The following RBAK variants were observed in gnomAD, a reference collection of about 807,000 sequenced individuals.
RBAK encodes the protein RB-associated KRAB zinc finger protein.
RBAK carries 39 observed loss-of-function variants against 65.8 expected under a neutral mutation model. That is an observed-to-expected ratio of 0.59 (90% CI 0.46 to 0.77). RBAK has a LOEUF of 0.77. Ranked by LOEUF, RBAK falls within the 30% of genes least tolerant of loss-of-function variation. The pLI is 0.00. For missense variants in RBAK, 884 were observed against 855.1 expected, an observed-to-expected ratio of 1.03 and a Z score of -0.42; for synonymous variants, 343 against 289.7, an observed-to-expected ratio of 1.18 and a Z score of -1.87.
Position 5,057,751 on chromosome 7 carries a change from A to C in RBAK, c.210A>C (p.Gly70=). 6.2e-7 allele frequency: 1 copy of C among 1,613,872 alleles called. No homozygotes were observed. The highest frequency in any genetic ancestry group is 8.5e-7 in the Non-Finnish European group (1 of 1,179,816). Residue 70 remains glycine, a synonymous_variant, in exon 4 of 5, where the codon GGA becomes GGC. Transcript: ENST00000396912. ...LEQGEEPWIM[G]GEFPCQHSPE... Reference sequence around the variant, plus strand: ...AGGGAGAGGAGCCGTGGATAATGGGAGGTGAATTTCCATGTCAACATAGTC... The same window carrying C: ...AGGGAGAGGAGCCGTGGATAATGGGCGGTGAATTTCCATGTCAACATAGTC...
At chr7:5,060,282 A>C (rs1309723029) in intron 4 of RBAK, among the ~76,000 whole-genome samples, 2 of 152,204 alleles carry the variant, frequency 1.3e-5, no homozygotes, top group Non-Finnish European at 2.9e-5. Context: ...TCAAGAGATC[A>C]TTTATTCTGA....
intron 2 of RBAK, among the ~76,000 whole-genome samples, chr7:5,049,783 A>G (rs1391986705): frequency 6.6e-6 from 1 of 151,458 alleles, no homozygotes; most frequent in Non-Finnish European, 1.5e-5. Context: ...GAGTGTAGAG[A>G]CGTGATCACA....
intron 2 of RBAK, among the ~76,000 whole-genome samples, chr7:5,050,985 TG>T (rs1788103375): frequency 6.6e-6 from 1 of 152,228 alleles, no homozygotes; most frequent in Non-Finnish European, 1.5e-5. Flanking sequence ...TTTTTTGTTT[TG>T]TTACCATTAT....
In RBAK at chr7:5,068,450, C is replaced by T. The variant is rs568784775; in HGVS notation, c.*2849C>T. On this transcript the variant is annotated 3_prime_UTR_variant, in exon 5 of 5. Transcript: ENST00000396912. Reference sequence around the variant, plus strand: ...CCACTCACTTTAGAGGATATCCAGACGGCCAATAAGCATGAAAAGATGTGT... The same window carrying T: ...CCACTCACTTTAGAGGATATCCAGATGGCCAATAAGCATGAAAAGATGTGT... 1.2e-4 allele frequency: 18 copies of T among 152,240 alleles called. No individual in the cohort carries two copies. Among genetic ancestry groups the T allele is most frequent in the South Asian group, 4.1e-4 (2 of 4,824 alleles). 9.4% of individuals were successfully genotyped at this position (152,240 alleles called of 1,614,324 possible). A position where few individuals can be genotyped will look rare whatever the true frequency, so the allele number is the denominator to read the frequency against.
chr7:5,058,803 A>G (rs957503340), intron 4 of RBAK, among the ~76,000 whole-genome samples: 16 of 152,194 alleles, frequency 1.1e-4, no homozygotes, highest in Non-Finnish European at 2.4e-4. Flanking sequence ...CTGTCCCCCT[A>G]GGACCTGTTT....
rs980528728 is a variant in RBAK, at chr7:5,063,687, C to A, written c.239-8C>A. ...TTACAAAGTTTGTTTACTATTTTTC[C>A]TTTTTAGAAGCCTGGAGAGTTGATG... On this transcript the variant is annotated splice_polypyrimidine_tract_variant and splice_region_variant and intron_variant, in intron 4 of 4. Transcript: ENST00000396912. 6.4e-7 allele frequency: 1 copy of A among 1,567,536 alleles called. No homozygotes were observed. Among genetic ancestry groups the A allele is most frequent in the African/African-American group, 1.4e-5 (1 of 72,498 alleles).
At chr7:5,051,625 A>G (rs986656821) in intron 2 of RBAK, among the ~76,000 whole-genome samples, 1 of 152,134 alleles carries the variant, frequency 6.6e-6, no homozygotes, top group Non-Finnish European at 1.5e-5. Context: ...TTTAGTTTTC[A>G]TGCTTTTTAA....
At chr7:5,049,127 G>A (rs1233183962) in intron 2 of RBAK, among the ~76,000 whole-genome samples, 1 of 152,136 alleles carries the variant, frequency 6.6e-6, no homozygotes, top group Non-Finnish European at 1.5e-5. Context: ...TCTAGGACTT[G>A]GAAAAATTTC....
Position 5,046,231 on chromosome 7 carries a change from C to T in RBAK, c.-210C>T, listed in dbSNP as rs1314196291. On this transcript the variant is annotated 5_prime_UTR_variant, in exon 1 of 5. Coordinates refer to ENST00000396912, the MANE Select transcript of RBAK (RefSeq NM_021163.4). ...AGGCGGATCTGGGTCCCGGGAAGGA[C>T]ACCCGCCTGGATTTGCCCCTTAGGC... 1 of 508,330 alleles carries T rather than the reference C, an allele frequency of 2.0e-6. No homozygotes were observed. Among genetic ancestry groups the T allele is most frequent in the African/African-American group, 1.9e-5 (1 of 51,764 alleles). 31.5% of individuals were successfully genotyped at this position (508,330 alleles called of 1,614,324 possible). A position where few individuals can be genotyped will look rare whatever the true frequency, so the allele number is the denominator to read the frequency against.
In RBAK at chr7:5,068,630, G is replaced by A. The variant is rs574273601; in HGVS notation, c.*3029G>A. 5.3e-5 allele frequency: 8 copies of A among 152,298 alleles called. No homozygotes were observed. The highest frequency in any genetic ancestry group is 1.7e-4 in the African/African-American group (7 of 41,568). 9.4% of individuals were successfully genotyped at this position (152,298 alleles called of 1,614,324 possible). A position where few individuals can be genotyped will look rare whatever the true frequency, so the allele number is the denominator to read the frequency against. ...TACACTACTGGTGGAATTGCTCATC[G>A]ATAAAACCATTTTGAAAGCTGGCAC... On this transcript the variant is annotated 3_prime_UTR_variant, in exon 5 of 5. Coordinates refer to ENST00000396912, the MANE Select transcript of RBAK (RefSeq NM_021163.4).
Position 5,064,514 on chromosome 7 carries a change from CCTT to C in RBAK, c.1061_1063del (p.Phe354del), listed in dbSNP as rs1336994997. ...TACGAATGTAGCGAATGTGGGAAAA[CCTT>C]CTGCCAAAAGACACATCTCACCCTG... is the stretch of plus-strand genomic sequence containing the variant. On this transcript the variant is annotated inframe_deletion, in exon 5 of 5. Coordinates refer to ENST00000396912, the MANE Select transcript of RBAK (RefSeq NM_021163.4). This position sits in a 1 kb window ranked among gnomAD's most constrained non-coding sequence, Gnocchi z 6.3. 3 of 1,613,744 alleles carry C rather than the reference CCTT, an allele frequency of 1.9e-6. No homozygotes were observed. Among genetic ancestry groups the C allele is most frequent in the Non-Finnish European group, 2.5e-6 (3 of 1,179,902 alleles).
rs1186023696 is a variant in RBAK at position 5,063,864 on chromosome 7, T to G, written c.408T>G (p.Asn136Lys). 1 of 1,613,966 alleles carries G rather than the reference T, an allele frequency of 6.2e-7. No homozygotes were observed. The highest frequency in any genetic ancestry group is 8.5e-7 in the Non-Finnish European group (1 of 1,180,004). ...TTCCTTCAAGCATAATAGCTCATAA[T>G]TGTGTCTCATGTGGAAAGAATTTAG... Reference protein sequence around the residue: ...SLVPSSIIAHNCVSCGKNLES... With the variant: ...SLVPSSIIAHKCVSCGKNLES... Residue 136 changes from asparagine (N) to lysine (K), a missense_variant, in exon 5 of 5, where the codon AAT becomes AAG. Asn to Lys is a moderately conservative substitution (Grantham distance 94, BLOSUM62 0). Transcript: ENST00000396912.
At chr7:5,056,327 A>C (rs1336691091) in intron 2 of RBAK, among the ~76,000 whole-genome samples, 1 of 151,696 alleles carries the variant, frequency 6.6e-6, no homozygotes, top group Non-Finnish European at 1.5e-5. Context: ...TATGTTGCCC[A>C]AGCTGGTCTC....
chr7:5,052,908 C>T (rs1489904533), intron 2 of RBAK, among the ~76,000 whole-genome samples: 1 of 151,986 alleles, frequency 6.6e-6, no homozygotes, highest in Non-Finnish European at 1.5e-5. Context: ...TACAGACACC[C>T]ACCACCACAC....
intron 2 of RBAK, among the ~76,000 whole-genome samples, chr7:5,052,806 C>T (rs899052363): frequency 5.9e-5 from 9 of 152,184 alleles, no homozygotes; most frequent in Non-Finnish European, 1.0e-4. Flanking sequence ...GTCCCCCAGG[C>T]TGGAGTGCAG....
chr7:5,067,088 A>G lies in RBAK; in HGVS notation c.*1487A>G, dbSNP rs965344671. 10 of 152,224 alleles carry G rather than the reference A, an allele frequency of 6.6e-5. No individual in the cohort carries two copies. Among genetic ancestry groups the G allele is most frequent in the Non-Finnish European group, 1.3e-4 (9 of 68,018 alleles). The allele number at this position is 152,224 out of a possible 1,614,324, so 9.4% of individuals were successfully genotyped here. A position where few individuals can be genotyped will look rare whatever the true frequency, so the allele number is the denominator to read the frequency against. Reference sequence around the variant, plus strand: ...AGAGACTTAAACTACAACAAACAATATGCTTAATGATGAAATAGTGAACAT... The same window carrying G: ...AGAGACTTAAACTACAACAAACAATGTGCTTAATGATGAAATAGTGAACAT... On this transcript the variant is annotated 3_prime_UTR_variant, in exon 5 of 5. Coordinates refer to ENST00000396912, the MANE Select transcript of RBAK (RefSeq NM_021163.4).
intron 4 of RBAK, among the ~76,000 whole-genome samples, chr7:5,059,942 T>A (rs1175370193): frequency 6.6e-6 from 1 of 152,200 alleles, no homozygotes; most frequent in African/African-American, 2.4e-5. Flanking sequence ...GATTATATGT[T>A]CTGATAGGAT....
At position 5,068,184 on chromosome 7, in the gene RBAK, G is replaced by A. The variant is rs1269106442; in HGVS notation, c.*2583G>A. 6.6e-6 allele frequency: 1 copy of A among 152,140 alleles called. No individual in the cohort carries two copies. The highest frequency in any genetic ancestry group is 2.4e-5 in the African/African-American group (1 of 41,428). 9.4% of individuals were successfully genotyped at this position (152,140 alleles called of 1,614,324 possible). On this transcript the variant is annotated 3_prime_UTR_variant, in exon 5 of 5. Coordinates refer to ENST00000396912, the MANE Select transcript of RBAK (RefSeq NM_021163.4). ...ACTTTATAAAGCAAGGCACCAGATGGTGAAAATTTTCAGCTTTGTCACAAC... is the reference window on the plus strand; with the variant it reads ...ACTTTATAAAGCAAGGCACCAGATGATGAAAATTTTCAGCTTTGTCACAAC...
chr7:5,055,372 A>G (rs1490993154), intron 2 of RBAK, among the ~76,000 whole-genome samples: 1 of 152,046 alleles, frequency 6.6e-6, no homozygotes, highest in African/African-American at 2.4e-5. Context: ...ACTATTGCAT[A>G]TTAGGGTGCA....
Sources: gnomAD v4.1 joint callset for allele counts (sites outside exome capture counted in the v4.1 genomes callset) on GRCh38, gnomAD v4.1.1 for gene constraint, Gnocchi (gnomAD v3.1) non-coding constraint, MANE v1.5 for transcripts, NCBI Gene and HGNC (gene_info 2026-07-23, HGNC 2026-07-21) for gene names.